The following ADCK1 variants were observed in gnomAD, a reference collection of about 807,000 sequenced individuals.
ADCK1 encodes the protein aarF domain-containing protein kinase 1.
ADCK1 carries 41 observed loss-of-function variants against 52.3 expected under a neutral mutation model. That is an observed-to-expected ratio of 0.78 (90% CI 0.61 to 1.02). ADCK1 has a LOEUF of 1.02. Ranked by LOEUF, ADCK1 falls within the 50% of genes least tolerant of loss-of-function variation. ADCK1 has a pLI of 0.00. For synonymous variants in ADCK1, 250 were observed against 274.6 expected (o/e 0.91, Z 0.89); for missense variants, 658 against 679.5 (o/e 0.97, Z 0.35).
At chr14:77,916,721 T>C (rs1449546244) in intron 7 of ADCK1, among the ~76,000 whole-genome samples, 1 of 152,208 alleles carries the variant, frequency 6.6e-6, no homozygotes, top group African/African-American at 2.4e-5. Flanking sequence ...AAGCCCCTCT[T>C]CTTTCTTCCT....
intron 3 of ADCK1, among the ~76,000 whole-genome samples, chr14:77,836,876 C>T (rs866650448): frequency 5.4e-5 from 8 of 148,028 alleles, no homozygotes; most frequent in South Asian, 2.1e-4. Flanking sequence ...CGGGTTTAAG[C>T]GATTCCCCTG....
intron 4 of ADCK1, among the ~76,000 whole-genome samples, chr14:77,880,679 C>T (rs951121805): frequency 1.3e-5 from 2 of 152,138 alleles, no homozygotes; most frequent in African/African-American, 4.8e-5. Flanking sequence ...CATCAGAGGT[C>T]TCCTCTTCTT....
chr14:77,913,266 T>A (rs910316562), intron 7 of ADCK1, among the ~76,000 whole-genome samples: 10 of 152,202 alleles, frequency 6.6e-5, no homozygotes, highest in African/African-American at 2.2e-4. Flanking sequence ...CTCCCCATAC[T>A]GAAACATGAA....
intron 4 of ADCK1, among the ~76,000 whole-genome samples, chr14:77,881,517 A>C (rs2083024379): frequency 6.6e-6 from 1 of 152,226 alleles, no homozygotes; most frequent in African/African-American, 2.4e-5. Flanking sequence ...GTATTATTTA[A>C]AAAATTATGG....
chr14:77,895,859 G>A (rs2083398530), intron 5 of ADCK1, among the ~76,000 whole-genome samples: 1 of 152,078 alleles, frequency 6.6e-6, no homozygotes, highest in South Asian at 2.1e-4. Flanking sequence ...TTCGTAGCGG[G>A]TATCAAGTTT....
At chr14:77,896,801 T>A (rs1345697324) in intron 5 of ADCK1, among the ~76,000 whole-genome samples, 2 of 152,186 alleles carry the variant, frequency 1.3e-5, no homozygotes, top group Non-Finnish European at 2.9e-5. Context: ...GTCTAGCCCA[T>A]GAAAGACCAG....
At chr14:77,867,480 C>A (rs909455281) in intron 4 of ADCK1, among the ~76,000 whole-genome samples, 1 of 152,138 alleles carries the variant, frequency 6.6e-6, no homozygotes, top group Non-Finnish European at 1.5e-5. Context: ...AACCCATTTC[C>A]CCCCCAATAA....
At chr14:77,900,282 G>A (rs1343947283) in intron 6 of ADCK1, among the ~76,000 whole-genome samples, 1 of 152,008 alleles carries the variant, frequency 6.6e-6, no homozygotes, top group Non-Finnish European at 1.5e-5. Context: ...GGTGGTGGGA[G>A]GAGTCCTTTG....
At chr14:77,884,846 C>G (rs1249831362) in intron 4 of ADCK1, among the ~76,000 whole-genome samples, 3 of 152,168 alleles carry the variant, frequency 2.0e-5, no homozygotes, top group Non-Finnish European at 4.4e-5. Context: ...TGCATGTGGC[C>G]AGAGATATTC....
chr14:77,924,427 G>A (rs2084135398), intron 7 of ADCK1, 30 bp from the exon 8 acceptor site: 3 of 1,611,332 alleles, frequency 1.9e-6, no homozygotes, highest in South Asian at 1.1e-5. Flanking sequence ...GAGTGGAGAG[G>A]AGCTCCCACC....
intron 7 of ADCK1, among the ~76,000 whole-genome samples, chr14:77,916,752 T>C (rs1393120508): frequency 6.6e-6 from 1 of 152,012 alleles, no homozygotes; most frequent in Non-Finnish European, 1.5e-5. Context: ...CCCGACACCA[T>C]GTGTGGTCGA....
intron 4 of ADCK1, among the ~76,000 whole-genome samples, chr14:77,879,612 C>G (rs1214444640): frequency 6.6e-6 from 1 of 152,164 alleles, no homozygotes; most frequent in Non-Finnish European, 1.5e-5. Context: ...GATTTTGGCT[C>G]TAGGAAGCTG....
At chr14:77,860,332 T>C (rs576252438) in intron 4 of ADCK1, among the ~76,000 whole-genome samples, 3 of 152,314 alleles carry the variant, frequency 2.0e-5, no homozygotes, top group African/African-American at 7.2e-5. Context: ...AAAGAGCCAA[T>C]GGATGAACTA....
chr14:77,828,689 G>A (rs1003801688), intron 3 of ADCK1, among the ~76,000 whole-genome samples: 4 of 152,040 alleles, frequency 2.6e-5, no homozygotes, highest in African/African-American at 7.2e-5. Flanking sequence ...CATCACACCC[G>A]GCTAATTTTG....
intron 2 of ADCK1, chr14:77,821,194 G>C (rs1427202071): frequency 6.6e-6 from 1 of 152,102 alleles, no homozygotes; most frequent in Admixed American, 6.6e-5. Flanking sequence ...GGAAAGGAGG[G>C]AGGCAGATAT....
At chr14:77,852,671 A>ATATATAT (rs1566667229) in intron 3 of ADCK1, among the ~76,000 whole-genome samples, 10 of 10,804 alleles carry the variant, frequency 9.3e-4, no homozygotes, top group African/African-American at 2.0e-3. Flanking sequence ...ATATATATAT[A>ATATATAT]TATATATATA....
intron 3 of ADCK1, among the ~76,000 whole-genome samples, chr14:77,832,265 G>A (rs1357362188): frequency 1.3e-5 from 2 of 152,328 alleles, no homozygotes; most frequent in East Asian, 1.9e-4. Flanking sequence ...TTATAGGCGT[G>A]AGCCACCGCA....
intron 3 of ADCK1, among the ~76,000 whole-genome samples, chr14:77,850,604 A>G (rs186304525): frequency 6.6e-6 from 1 of 150,564 alleles, no homozygotes. Flanking sequence ...TGCTATAAAT[A>G]TAGCTGTTTC....
At chr14:77,818,884 G>A in intron 1 of ADCK1, 84 bp from the exon 2 acceptor site, 1 of 1,474,378 alleles carries the variant, frequency 6.8e-7, no homozygotes, top group Non-Finnish European at 9.3e-7. Context: ...TAATCTAAGT[G>A]GTAGAGCTGG....
Sources: allele counts gnomAD v4.1 joint callset (sites outside exome capture counted in the v4.1 genomes callset), GRCh38; gene constraint gnomAD v4.1.1; transcripts MANE v1.5; gene names NCBI Gene and HGNC (gene_info 2026-07-23, HGNC 2026-07-21).